GRM8: variants seen among roughly 807,000 people sequenced by gnomAD.
GRM8 encodes glutamate metabotropic receptor 8.
A neutral mutation model predicts 87.2 loss-of-function variants in GRM8; 47 were observed. That is an observed-to-expected ratio of 0.54 (90% CI 0.43 to 0.69). GRM8 has a LOEUF of 0.69. GRM8 is among the 30% of genes least tolerant of loss of function. GRM8 has a pLI of 0.00. For synonymous variants in GRM8, 396 were observed against 404.5 expected, an observed-to-expected ratio of 0.98 and a Z score of 0.25; for missense variants, 1,019 against 1,139.2, an observed-to-expected ratio of 0.89 and a Z score of 1.52.
At chr7:126,760,660 A>G (rs9969183) in intron 7 of GRM8, among the ~76,000 whole-genome samples, 127,883 of 152,136 alleles carry the variant, frequency 0.84, 54,257 homozygotes, top group Non-Finnish European at 0.89. Flanking sequence ...ATTATATAGC[A>G]ATAAGCAGAG....
intron 3 of GRM8, among the ~76,000 whole-genome samples, chr7:127,080,139 G>T (rs1037159364): frequency 6.6e-6 from 1 of 152,140 alleles, no homozygotes. Flanking sequence ...TAACCACAAG[G>T]GTCCTTAAAT....
Position 127,243,100 on chromosome 7 carries a change from C to T in GRM8, c.105G>A (p.Glu35=). ...LTMMQRTHSQ[E]YAHSIRVDGD... Reference sequence around the variant, plus strand: ...CATCCACCCGTATGGAATGGGCATACTCCTGGCTGTGAGTTCTTTGCATCA... The same window carrying T: ...CATCCACCCGTATGGAATGGGCATATTCCTGGCTGTGAGTTCTTTGCATCA... The change falls in exon 2 of 11, where the codon GAG becomes GAA. Residue 35 remains glutamate, a synonymous_variant. Coordinates refer to ENST00000339582, the MANE Select transcript of GRM8 (RefSeq NM_000845.3). 6.2e-7 allele frequency: 1 copy of T among 1,614,124 alleles called. No individual in the cohort carries two copies. The highest frequency in any genetic ancestry group is 1.6e-4 in the Middle Eastern group (1 of 6,062).
chr7:126,844,707 C>A (rs140187356), intron 6 of GRM8, among the ~76,000 whole-genome samples: 2 of 152,298 alleles, frequency 1.3e-5, no homozygotes, highest in Non-Finnish European at 2.9e-5. Flanking sequence ...AGCTCTCTTT[C>A]TGGTTTGCAA....
At chr7:126,677,963 C>T (rs139080954) in intron 7 of GRM8, among the ~76,000 whole-genome samples, 10 of 152,226 alleles carry the variant, frequency 6.6e-5, no homozygotes, top group Middle Eastern at 3.4e-3. Flanking sequence ...GATGGAATCC[C>T]GACTGATAAC....
chr7:126,961,777 C>G (rs1473040698), intron 3 of GRM8, among the ~76,000 whole-genome samples: 1 of 152,200 alleles, frequency 6.6e-6, no homozygotes, highest in Non-Finnish European at 1.5e-5. Context: ...GTGCTTATTT[C>G]TTCACACATT....
chr7:126,629,615 T>C (rs1801056665), intron 7 of GRM8, among the ~76,000 whole-genome samples: 1 of 150,776 alleles, frequency 6.6e-6, no homozygotes, highest in Non-Finnish European at 1.5e-5. Flanking sequence ...AAAAAAAATA[T>C]CAAACTAGGA....
intron 3 of GRM8, among the ~76,000 whole-genome samples, chr7:127,089,410 C>T (rs1823837904): frequency 6.6e-6 from 1 of 152,146 alleles, no homozygotes; most frequent in Admixed American, 6.5e-5. Flanking sequence ...TTTTGAGCCA[C>T]CCAGTGTGTG....
At chr7:126,793,380 T>C (rs1486675559) in intron 6 of GRM8, among the ~76,000 whole-genome samples, 1 of 152,136 alleles carries the variant, frequency 6.6e-6, no homozygotes, top group African/African-American at 2.4e-5. Context: ...TTCCAGCACT[T>C]CCAGACTTAT....
chr7:126,786,751 T>C (rs1187767211), intron 6 of GRM8, among the ~76,000 whole-genome samples: 4 of 152,176 alleles, frequency 2.6e-5, no homozygotes, highest in Non-Finnish European at 5.9e-5. Context: ...AATAATATTA[T>C]AAATTAATAA....
intron 8 of GRM8, among the ~76,000 whole-genome samples, chr7:126,566,586 G>A (rs980657077): frequency 2.0e-5 from 3 of 152,150 alleles, no homozygotes; most frequent in East Asian, 1.9e-4. Context: ...TGGTGGAAAT[G>A]AGGAATGGTG....
intron 2 of GRM8, among the ~76,000 whole-genome samples, chr7:127,114,129 G>A (rs892730945): frequency 1.3e-5 from 2 of 152,180 alleles, no homozygotes; most frequent in Admixed American, 1.3e-4. Flanking sequence ...GAATAATCCT[G>A]TCCTCATAGT....
At chr7:126,493,080 T>A (rs1808233459) in intron 9 of GRM8, among the ~76,000 whole-genome samples, 1 of 152,042 alleles carries the variant, frequency 6.6e-6, no homozygotes, top group Admixed American at 6.6e-5. Context: ...CTTTGTTTGT[T>A]TTTATTAGAG....
intron 8 of GRM8, among the ~76,000 whole-genome samples, chr7:126,564,810 T>C (rs1410743695): frequency 1.3e-5 from 2 of 152,086 alleles, no homozygotes; most frequent in Admixed American, 6.6e-5. Flanking sequence ...CTGATGAGTA[T>C]AGAAGCAAAA....
intron 7 of GRM8, among the ~76,000 whole-genome samples, chr7:126,653,362 A>C (rs1040728559): frequency 1.3e-5 from 2 of 151,804 alleles, no homozygotes; most frequent in Non-Finnish European, 2.9e-5. Flanking sequence ...TTCAATATTC[A>C]ATTAGGGGGA....
chr7:126,651,965 T>C (rs929726371), intron 7 of GRM8, among the ~76,000 whole-genome samples: 1 of 152,070 alleles, frequency 6.6e-6, no homozygotes, highest in Non-Finnish European at 1.5e-5. Flanking sequence ...CCTGCTGGGG[T>C]GCTTGCTGAA....
chr7:126,742,024 C>T (rs1280227660), intron 7 of GRM8, among the ~76,000 whole-genome samples: 1 of 151,994 alleles, frequency 6.6e-6, no homozygotes, highest in African/African-American at 2.4e-5. Flanking sequence ...AGATATTAAA[C>T]TTCCACACTT....
intron 3 of GRM8, among the ~76,000 whole-genome samples, chr7:126,979,999 C>A (rs1811365259): frequency 6.6e-6 from 1 of 152,228 alleles, no homozygotes; most frequent in African/African-American, 2.4e-5. Flanking sequence ...ATGTACAAGC[C>A]ACATTTCAAC....
intron 10 of GRM8, among the ~76,000 whole-genome samples, chr7:126,440,328 C>T (rs1259405022): frequency 7.1e-6 from 1 of 140,416 alleles, no homozygotes; most frequent in African/African-American, 2.7e-5. Context: ...AGGAGAATTG[C>T]TTGAACCGAG....
intron 8 of GRM8, among the ~76,000 whole-genome samples, chr7:126,565,204 A>C (rs1794107830): frequency 1.3e-5 from 2 of 152,172 alleles, no homozygotes; most frequent in South Asian, 4.1e-4. Context: ...GGGCAATTAG[A>C]CAAGAAAAGA....
Sources: gnomAD v4.1 joint callset for allele counts (sites outside exome capture counted in the v4.1 genomes callset) on GRCh38, gnomAD v4.1.1 for gene constraint, MANE v1.5 for transcripts, NCBI Gene and HGNC (gene_info 2026-07-23, HGNC 2026-07-21) for gene names.